RBM14: variants seen among roughly 807,000 people sequenced by gnomAD.
RBM14 encodes the protein RNA binding motif protein 14, also known as RNA-binding protein 14.
A neutral mutation model predicts 52.8 loss-of-function variants in RBM14; 5 were observed. The ratio of observed to expected loss-of-function variants is 0.09; its 90% CI spans 0.05 to 0.20. The LOEUF is 0.20. Ranked by LOEUF, RBM14 falls within the 10% of genes least tolerant of loss-of-function variation. The probability of loss-of-function intolerance (pLI) is 1.00; values close to 1 mark genes in which losing one functional copy is unlikely to be tolerated. For synonymous variants in RBM14, 411 were observed against 401.8 expected, an observed-to-expected ratio of 1.02 and a Z score of -0.28; for missense variants, 780 against 926.6, an observed-to-expected ratio of 0.84 and a Z score of 2.05.
In RBM14 at chr11:66,616,937, C is replaced by T; in HGVS notation, c.217C>T (p.Pro73Ser). 2.5e-6 allele frequency: 4 copies of T among 1,612,352 alleles called. No homozygotes were observed. Among genetic ancestry groups the T allele is most frequent in the Non-Finnish European group, 3.4e-6 (4 of 1,179,580 alleles). The change falls in exon 1 of 3, where the codon CCA (proline) becomes TCA (serine). Residue 73 changes from proline (P) to serine (S), a missense_variant. Physicochemically the swap from Pro to Ser is moderately conservative, Grantham distance 74. This residue lies in a region of RBM14 where 71 missense variants were observed against 119.2 expected (regional missense o/e 0.60). Transcript: ENST00000310137. Reference protein sequence around the residue: ...GRALVVEMSRPRPLNTWKIFV... With the variant: ...GRALVVEMSRSRPLNTWKIFV... Reference sequence around the variant, plus strand: ...CGCGCTCGTGGTGGAGATGTCGCGCCCAAGGCCTCTTAATACTTGGAAGAT... The same window carrying T: ...CGCGCTCGTGGTGGAGATGTCGCGCTCAAGGCCTCTTAATACTTGGAAGAT...
rs1211617674 is a variant in RBM14 at position 66,616,638 on chromosome 11, G to A, written c.-83G>A. 3.4e-6 allele frequency: 5 copies of A among 1,472,158 alleles called. No homozygotes were observed. The African/African-American group carries it at 4.3e-5, about 13-fold the overall frequency. The allele number at this position is 1,472,158 out of a possible 1,614,324, so 91.2% of individuals were successfully genotyped here. A position where few individuals can be genotyped will look rare whatever the true frequency, so the allele number is the denominator to read the frequency against. ...GTTCTCGGTCGCCAGCCATTCCTGA[G>A]GAGGACTGCCGGTCGTTCGGACGTC... On this transcript the variant is annotated 5_prime_UTR_variant, in exon 1 of 3. Transcript: ENST00000310137.
intron 1 of RBM14, 29 bp downstream of exon 1, chr11:66,617,086 G>T: frequency 6.5e-7 from 1 of 1,549,916 alleles, no homozygotes; most frequent in Non-Finnish European, 8.7e-7. Context: ...CGGGGGCGGG[G>T]GCGCGCTCGG....
intron 1 of RBM14, among the ~76,000 whole-genome samples, chr11:66,622,193 T>C (rs1434588564): frequency 2.0e-5 from 3 of 151,776 alleles, no homozygotes; most frequent in African/African-American, 7.3e-5. Context: ...TGGGATTACA[T>C]GCGTGAGCCA....
chr11:66,624,646 T>TG lies in RBM14; in HGVS notation c.773dup (p.Val259CysfsTer33). 1 of 1,613,312 alleles carries TG rather than the reference T, an allele frequency of 6.2e-7. No individual in the cohort carries two copies. The highest frequency in any genetic ancestry group is 8.5e-7 in the Non-Finnish European group (1 of 1,179,966). Reference sequence around the variant, plus strand: ...TACAGGGCCCAGCCTTCTGCCTCTTTGGGTGTTGGCTATCGGACTCAGCCC... The same window carrying TG: ...TACAGGGCCCAGCCTTCTGCCTCTTTGGGGTGTTGGCTATCGGACTCAGCCC... On this transcript the variant is annotated frameshift_variant, in exon 2 of 3. Coordinates refer to ENST00000310137, the MANE Select transcript of RBM14 (RefSeq NM_006328.4). LOFTEE classifies it high-confidence loss of function. This position sits in a 1 kb window ranked among gnomAD's most constrained non-coding sequence, Gnocchi z 4.7.
rs954442501 is a variant in RBM14 at position 66,616,780 on chromosome 11, C to T, written c.60C>T (p.Ala20=). ...ATACGACTCCGGAGGAGCTGGCAGC[C>T]CTCTTTGCGCCCTACGGCACGGTCA... The part of the protein sequence containing the change: ...GADTTPEELA[A]LFAPYGTVMS... The change falls in exon 1 of 3, where the codon GCC becomes GCT. Residue 20 remains alanine (A), a synonymous_variant. Coordinates refer to ENST00000310137, the MANE Select transcript of RBM14 (RefSeq NM_006328.4). 1.9e-6 allele frequency: 3 copies of T among 1,606,410 alleles called. No individual in the cohort carries two copies. The highest frequency in any genetic ancestry group is 1.1e-5 in the South Asian group (1 of 90,996).
At chr11:66,621,995 C>T (rs1039732820) in intron 1 of RBM14, among the ~76,000 whole-genome samples, 5 of 150,706 alleles carry the variant, frequency 3.3e-5, no homozygotes, top group Non-Finnish European at 4.4e-5. Flanking sequence ...CTGCAGCCTC[C>T]TTCTTTTTCT....
At position 66,616,645 on chromosome 11, in the gene RBM14, T is replaced by C. The variant is rs1403636486; in HGVS notation, c.-76T>C. The C allele has an allele frequency of 1.3e-6, 2 of 1,485,798 alleles. No individual in the cohort carries two copies. Among genetic ancestry groups the C allele is most frequent in the Admixed American group, 2.4e-5 (1 of 41,122 alleles). 92.0% of individuals were successfully genotyped at this position (1,485,798 alleles called of 1,614,324 possible). A position where few individuals can be genotyped will look rare whatever the true frequency, so the allele number is the denominator to read the frequency against. On this transcript the variant is annotated 5_prime_UTR_variant, in exon 1 of 3. Coordinates refer to ENST00000310137, the MANE Select transcript of RBM14 (RefSeq NM_006328.4). ...GTCGCCAGCCATTCCTGAGGAGGAC[T>C]GCCGGTCGTTCGGACGTCTTGCCTG... is the stretch of plus-strand genomic sequence containing the variant.
chr11:66,625,003 C>T lies in RBM14; in HGVS notation c.1127C>T (p.Ser376Phe), dbSNP rs781411808. Residue 376 changes from serine to phenylalanine, a missense_variant, in exon 2 of 3, where the codon TCC becomes TTC. Ser to Phe is a radical substitution (Grantham distance 155, BLOSUM62 -2). Coordinates refer to ENST00000310137, the MANE Select transcript of RBM14 (RefSeq NM_006328.4). This position sits in a 1 kb window ranked among gnomAD's most constrained non-coding sequence, Gnocchi z 4.2. ...NTQGAASSLG[S>F]YGAQAASYGA... is the part of the protein sequence containing the mutation. ...CAGGGAGCAGCTTCCTCCTTAGGCT[C>T]CTACGGGGCTCAGGCAGCCTCCTAT... The T allele has an allele frequency of 1.2e-6, 2 of 1,613,778 alleles. No individual in the cohort carries two copies. The highest frequency in any genetic ancestry group is 4.5e-5 in the East Asian group (2 of 44,882).
At position 66,623,952 on chromosome 11, in the gene RBM14, T is replaced by C. The variant is rs1362147477; in HGVS notation, c.338-262T>C. The stretch of plus-strand genomic sequence containing the variant: ...TGCAGTTCATCTTTGCTCCTTCTTC[T>C]CTCACCAGGAAGTTGGGTGAGATGG... On this transcript the variant is annotated intron_variant, in intron 1 of 2. Coordinates refer to ENST00000310137, the MANE Select transcript of RBM14 (RefSeq NM_006328.4). 4.1e-6 allele frequency: 3 copies of C among 725,326 alleles called. No homozygotes were observed. The East Asian group carries it at 8.0e-5, about 19-fold the overall frequency. The allele number at this position is 725,326 out of a possible 1,614,324, so 44.9% of individuals were successfully genotyped here.
At position 66,625,741 on chromosome 11, in the gene RBM14, A is replaced by C; in HGVS notation, c.1802+63A>C. ...CTTAGGGCAAGGGGCTGAGGTTGGCATGGGAGGGAAACTGGAGGCATCGGC... is the reference window on the plus strand; with the variant it reads ...CTTAGGGCAAGGGGCTGAGGTTGGCCTGGGAGGGAAACTGGAGGCATCGGC... On this transcript the variant is annotated intron_variant, in intron 2 of 2. Transcript: ENST00000310137. This position sits in a 1 kb window ranked among gnomAD's most constrained non-coding sequence, Gnocchi z 4.2. The C allele has an allele frequency of 7.5e-7, 1 of 1,332,918 alleles. No homozygotes were observed. Among genetic ancestry groups the C allele is most frequent in the Non-Finnish European group, 1.0e-6 (1 of 976,582 alleles). The allele number at this position is 1,332,918 out of a possible 1,614,324, so 82.6% of individuals were successfully genotyped here.
In RBM14 at chr11:66,629,075, G is replaced by A. The variant is rs957578643; in HGVS notation, c.*2407G>A. Among the ~76,000 whole-genome samples, 2 of 152,170 alleles carry A rather than the reference G, an allele frequency of 1.3e-5. No homozygotes were observed. Among genetic ancestry groups the A allele is most frequent in the African/African-American group, 4.8e-5 (2 of 41,438 alleles). ...ATTTGTCATTTTTCTCTGGCAGATT[G>A]TTTTAAAATCTCCCTCCCCTCTTTT... On this transcript the variant is annotated 3_prime_UTR_variant, in exon 3 of 3. Transcript: ENST00000310137.
Position 66,626,526 on chromosome 11 carries a change from C to T in RBM14, c.1868C>T (p.Ser623Leu), listed in dbSNP as rs768721278. ...DYRRLSESQL[S>L]FRRSPTKSSL... is the part of the protein sequence containing the mutation. ...CGCCGTTTATCAGAGTCGCAGCTTT[C>T]GTTCCGCCGCTCGCCGACAAAGTCC... The change falls in exon 3 of 3, where the codon TCG becomes TTG. Residue 623 changes from serine (S) to leucine (L), a missense_variant. Ser to Leu is a moderately radical substitution (Grantham distance 145, BLOSUM62 -2). Coordinates refer to ENST00000310137, the MANE Select transcript of RBM14 (RefSeq NM_006328.4). 2 of 1,613,994 alleles carry T rather than the reference C, an allele frequency of 1.2e-6. No homozygotes were observed. Among genetic ancestry groups the T allele is most frequent in the Admixed American group, 1.7e-5 (1 of 60,030 alleles).
chr11:66,623,070 TCTC>T (rs1175882630), intron 1 of RBM14, among the ~76,000 whole-genome samples: 4 of 152,176 alleles, frequency 2.6e-5, no homozygotes, highest in African/African-American at 4.8e-5. Flanking sequence ...CATCCTGTCT[TCTC>T]CTACCACAGC....
intron 1 of RBM14, chr11:66,618,586 A>C (rs1445424934): frequency 1.4e-6 from 1 of 717,204 alleles, no homozygotes. Context: ...GCTTTTGTTT[A>C]GAGTAAAAGA....
chr11:66,623,628 A>G (rs956332849), intron 1 of RBM14, among the ~76,000 whole-genome samples: 18 of 152,336 alleles, frequency 1.2e-4, no homozygotes, highest in Non-Finnish European at 1.8e-4. Context: ...GAGTGCTTTG[A>G]AAACTTGGGA....
At position 66,628,978 on chromosome 11, in the gene RBM14, TCCTGCTGCC is replaced by T. The variant is rs777057347; in HGVS notation, c.*2320_*2328del. Among the ~76,000 whole-genome samples, 4 of 152,174 alleles carry T rather than the reference TCCTGCTGCC, an allele frequency of 2.6e-5. No homozygotes were observed. The highest frequency in any genetic ancestry group is 4.4e-5 in the Non-Finnish European group (3 of 68,030). ...GCTCTGCCTGCTTGTCATCTTTAGG[TCCTGCTGCC>T]CCTGCTGCCTCAGCCCTCAGGCTCC... is the stretch of plus-strand genomic sequence containing the variant. On this transcript the variant is annotated 3_prime_UTR_variant, in exon 3 of 3. Coordinates refer to ENST00000310137, the MANE Select transcript of RBM14 (RefSeq NM_006328.4).
chr11:66,626,509 A>T lies in RBM14; in HGVS notation c.1851A>T (p.Leu617Phe). Residue 617 changes from leucine to phenylalanine, a missense_variant, in exon 3 of 3, where the codon TTA becomes TTT. Leu to Phe is a conservative substitution (Grantham distance 22). This residue lies in a region of RBM14 where 675 missense variants were observed against 697.3 expected (regional missense o/e 0.97). Transcript: ENST00000310137. ...CCGAGCTCTCTGATTACCGCCGTTT[A>T]TCAGAGTCGCAGCTTTCGTTCCGCC... ...RLAELSDYRR[L>F]SESQLSFRRS... 1 of 1,613,958 alleles carries T rather than the reference A, an allele frequency of 6.2e-7. No homozygotes were observed. Among genetic ancestry groups the T allele is most frequent in the Non-Finnish European group, 8.5e-7 (1 of 1,180,028 alleles).
chr11:66,616,660 CGTCTTGCCT>C lies in RBM14; in HGVS notation c.-57_-49del. ...TGAGGAGGACTGCCGGTCGTTCGGACGTCTTGCCTGTCGCTGGAGGAGAGGTCCGGGCTC... is the reference window on the plus strand; with the variant it reads ...TGAGGAGGACTGCCGGTCGTTCGGACGTCGCTGGAGGAGAGGTCCGGGCTC... On this transcript the variant is annotated 5_prime_UTR_variant, in exon 1 of 3. Coordinates refer to ENST00000310137, the MANE Select transcript of RBM14 (RefSeq NM_006328.4). The C allele has an allele frequency of 6.6e-7, 1 of 1,512,662 alleles. No homozygotes were observed. The highest frequency in any genetic ancestry group is 8.9e-7 in the Non-Finnish European group (1 of 1,128,392). The allele number at this position is 1,512,662 out of a possible 1,614,324, so 93.7% of individuals were successfully genotyped here. A position where few individuals can be genotyped will look rare whatever the true frequency, so the allele number is the denominator to read the frequency against.
Position 66,626,905 on chromosome 11 carries a change from A to T in RBM14, c.*237A>T, listed in dbSNP as rs1937843470. The stretch of plus-strand genomic sequence containing the variant: ...GCTCTAGATCTGCGGTTTCCCCTCT[A>T]CCCTGCCTCCCGTCTCCCCAGAATG... On this transcript the variant is annotated 3_prime_UTR_variant, in exon 3 of 3. Coordinates refer to ENST00000310137, the MANE Select transcript of RBM14 (RefSeq NM_006328.4). 9.1e-6 allele frequency: 4 copies of T among 439,538 alleles called. No individual in the cohort carries two copies. In the Admixed American group the frequency reaches 1.2e-4, roughly 13 times the overall value. 27.2% of individuals were successfully genotyped at this position (439,538 alleles called of 1,614,324 possible).
Sources: allele counts gnomAD v4.1 joint callset (sites outside exome capture counted in the v4.1 genomes callset), GRCh38; gene constraint gnomAD v4.1.1; regional missense constraint gnomAD v4.1.1; non-coding constraint Gnocchi (gnomAD v3.1); transcripts MANE v1.5; gene names NCBI Gene and HGNC (gene_info 2026-07-23, HGNC 2026-07-21).